The following PPP2R2B variants were observed in gnomAD, a reference collection of about 807,000 sequenced individuals.
PPP2R2B encodes serine/threonine-protein phosphatase 2A 55 kDa regulatory subunit B beta isoform.
A neutral mutation model predicts 46.0 loss-of-function variants in PPP2R2B; 5 were observed. That is an observed-to-expected ratio of 0.11 (90% CI 0.06 to 0.23). The LOEUF (loss-of-function observed/expected upper bound fraction) is 0.23. Among genes scored for constraint, PPP2R2B ranks in the 10% least tolerant of loss-of-function variants. PPP2R2B has a pLI of 1.00. For missense variants in PPP2R2B, 367 were observed against 575.0 expected (o/e 0.64, Z 3.70); for synonymous variants, 215 against 206.7 (o/e 1.04, Z -0.34).
upstream of PPP2R2B, among the ~76,000 whole-genome samples, chr5:147,060,786 A>T (rs1003684655): frequency 6.6e-6 from 1 of 152,218 alleles, no homozygotes; most frequent in African/African-American, 2.4e-5. Context: ...GAATTCTTTG[A>T]TAATTGCTGT....
intron 1 of PPP2R2B, among the ~76,000 whole-genome samples, chr5:146,896,457 T>C (rs1160909736): frequency 6.6e-6 from 1 of 152,274 alleles, no homozygotes; most frequent in African/African-American, 2.4e-5. Context: ...TATGCAAATT[T>C]CTGTTCCAGC....
chr5:147,066,006 G>T (rs1757404773), intron 2 of PPP2R2B, among the ~76,000 whole-genome samples: 1 of 152,062 alleles, frequency 6.6e-6, no homozygotes, highest in African/African-American at 2.4e-5. Context: ...GGTAATAACA[G>T]GTTCCTGATT....
chr5:146,782,846 G>A (rs555350978), intron 2 of PPP2R2B, among the ~76,000 whole-genome samples: 1 of 151,922 alleles, frequency 6.6e-6, no homozygotes, highest in South Asian at 2.1e-4. Context: ...AAAGAAGAGA[G>A]GAGAGACAGA....
intron 2 of PPP2R2B, among the ~76,000 whole-genome samples, chr5:146,861,153 T>G (rs1011782264): frequency 1.3e-5 from 2 of 151,412 alleles, no homozygotes; most frequent in African/African-American, 4.9e-5. Flanking sequence ...ACTCCCAGGT[T>G]CATGTCATTC....
At position 146,591,477 on chromosome 5, in the gene PPP2R2B, C is replaced by T. The variant is rs138174610; in HGVS notation, c.1053-1251G>A. ...GATCTCGTTTCAACTTCTATTATCCCCTAAAAGGGTTTTACAGAGAAGTAA... is the reference window on the plus strand; with the variant it reads ...GATCTCGTTTCAACTTCTATTATCCTCTAAAAGGGTTTTACAGAGAAGTAA... On this transcript the variant is annotated intron_variant, in intron 9 of 9. Transcript: ENST00000394411. 7.0e-3 allele frequency among the ~76,000 whole-genome samples: 1,065 copies of T among 152,048 alleles called. 16 individuals are homozygous for T. The highest frequency in any genetic ancestry group is 0.025 in the African/African-American group (1,035 of 41,448).
chr5:146,993,570 A>G (rs1308273721), intron 1 of PPP2R2B, among the ~76,000 whole-genome samples: 1 of 152,186 alleles, frequency 6.6e-6, no homozygotes, highest in Non-Finnish European at 1.5e-5. Flanking sequence ...TAAGGAGTAC[A>G]CAGTATAAGC....
At position 146,691,208 on chromosome 5, in the gene PPP2R2B, G is replaced by A. The variant is rs1373691645; in HGVS notation, c.367C>T (p.Arg123Cys). Residue 123 changes from arginine (R) to cysteine (C), a missense_variant, in exon 5 of 10, where the codon CGT becomes TGT. This residue lies in a region of PPP2R2B where 361 missense variants were observed against 545.5 expected (regional missense o/e 0.66). Transcript: ENST00000394411. The stretch of plus-strand genomic sequence containing the variant: ...TTGTAGCCTTCTGGCCTCTTATCAC[G>A]CTCGCTGACTTTCCACAGCTTCACA... ...KTVKLWKVSERDKRPEGYNLK... is the reference protein window; with the variant it reads ...KTVKLWKVSECDKRPEGYNLK... 22 of 1,613,936 alleles carry A rather than the reference G, an allele frequency of 1.4e-5. No homozygotes were observed. The highest frequency in any genetic ancestry group is 1.7e-5 in the Admixed American group (1 of 59,996).
chr5:146,782,656 T>C lies in PPP2R2B; in HGVS notation c.71-81514A>G, dbSNP rs143393520. Among the ~76,000 whole-genome samples, 615 of 152,302 alleles carry C rather than the reference T, an allele frequency of 4.0e-3. 3 individuals are homozygous for C. The highest frequency in any genetic ancestry group is 0.014 in the African/African-American group (586 of 41,564). Reference sequence around the variant, plus strand: ...CTAATACCTCAGTACTCAATAGTTGTTTTTTTCCTTGCCCATTTTTTTTTA... The same window carrying C: ...CTAATACCTCAGTACTCAATAGTTGCTTTTTTCCTTGCCCATTTTTTTTTA... On this transcript the variant is annotated intron_variant, in intron 2 of 9. Transcript: ENST00000394411.
intron 1 of PPP2R2B, among the ~76,000 whole-genome samples, chr5:146,932,733 G>C (rs557854197): frequency 1.3e-5 from 2 of 152,280 alleles, no homozygotes; most frequent in South Asian, 4.1e-4. Context: ...TAGTGGCCCA[G>C]GTGGCTGAAT....
In PPP2R2B at chr5:146,589,885, C is replaced by T. The variant is rs1015407048; in HGVS notation, c.*62G>A. 3.2e-5 allele frequency: 48 copies of T among 1,499,748 alleles called. No homozygotes were observed. The highest frequency in any genetic ancestry group is 4.2e-5 in the Non-Finnish European group (46 of 1,092,890). 92.9% of individuals were successfully genotyped at this position (1,499,748 alleles called of 1,614,324 possible). ...TGCATCAAATGAAGACCCAAAGAAACATTTAAAAACTTGTTTGACTAGTAT... is the reference window on the plus strand; with the variant it reads ...TGCATCAAATGAAGACCCAAAGAAATATTTAAAAACTTGTTTGACTAGTAT... On this transcript the variant is annotated 3_prime_UTR_variant, in exon 10 of 10. Coordinates refer to ENST00000394411, the MANE Select transcript of PPP2R2B (RefSeq NM_181675.4).
chr5:146,849,956 C>T (rs950456403), intron 2 of PPP2R2B, among the ~76,000 whole-genome samples: 33 of 152,118 alleles, frequency 2.2e-4, no homozygotes, highest in Admixed American at 1.6e-3. Context: ...CAATCTCACA[C>T]TTCTAGGAAG....
intron 1 of PPP2R2B, among the ~76,000 whole-genome samples, chr5:147,014,836 T>A (rs1297490189): frequency 6.6e-6 from 1 of 152,076 alleles, no homozygotes; most frequent in Non-Finnish European, 1.5e-5. Context: ...TATACATATG[T>A]AACTAACCTG....
intron 2 of PPP2R2B, among the ~76,000 whole-genome samples, chr5:146,874,212 T>C (rs1418204778): frequency 6.6e-6 from 1 of 152,216 alleles, no homozygotes; most frequent in Non-Finnish European, 1.5e-5. Context: ...TACTATCTCC[T>C]TTGCTAGATT....
chr5:146,698,009 T>C lies in PPP2R2B; in HGVS notation c.304A>G (p.Asn102Asp). Residue 102 changes from asparagine (N) to aspartate (D), a missense_variant, in exon 4 of 10, where the codon AAT (asparagine) becomes GAT (aspartate). This residue lies in a region of PPP2R2B where 361 missense variants were observed against 545.5 expected (regional missense o/e 0.66). Coordinates refer to ENST00000394411, the MANE Select transcript of PPP2R2B (RefSeq NM_181675.4). ...INKIRWLPQQ[N>D]AAYFLLSTND... is the part of the protein sequence containing the mutation. ...GTAGACAGAAGAAAGTAAGCTGCAT[T>C]CTGCTGGGGGAGCCATCTTATTTTA... is the stretch of plus-strand genomic sequence containing the variant. 6.2e-7 allele frequency: 1 copy of C among 1,612,880 alleles called. No homozygotes were observed. The highest frequency in any genetic ancestry group is 8.5e-7 in the Non-Finnish European group (1 of 1,179,614).
At chr5:146,866,021 C>T (rs1160522352) in intron 2 of PPP2R2B, among the ~76,000 whole-genome samples, 2 of 152,206 alleles carry the variant, frequency 1.3e-5, no homozygotes, top group African/African-American at 4.8e-5. Context: ...TGATGGTCTA[C>T]AGGCTACTCC....
intron 7 of PPP2R2B, among the ~76,000 whole-genome samples, chr5:146,601,463 C>A (rs1351648718): frequency 6.6e-6 from 1 of 152,146 alleles, no homozygotes; most frequent in Non-Finnish European, 1.5e-5. Flanking sequence ...GTGGGGCATG[C>A]CTGTGGTCCC....
At chr5:146,949,447 A>G (rs1764585983) in intron 1 of PPP2R2B, among the ~76,000 whole-genome samples, 1 of 152,124 alleles carries the variant, frequency 6.6e-6, no homozygotes, top group African/African-American at 2.4e-5. Context: ...CCAAACTACA[A>G]TGAGATATCA....
At chr5:146,891,389 G>A (rs1245771561) in intron 1 of PPP2R2B, among the ~76,000 whole-genome samples, 2 of 152,174 alleles carry the variant, frequency 1.3e-5, no homozygotes, top group East Asian at 3.8e-4. Context: ...ATTAGGTGTT[G>A]GATACTGTCA....
At chr5:146,951,511 C>T (rs1370934778) in intron 1 of PPP2R2B, among the ~76,000 whole-genome samples, 2 of 151,942 alleles carry the variant, frequency 1.3e-5, no homozygotes, top group East Asian at 3.9e-4. Context: ...CCCCCATCTC[C>T]CGACAGGTCC....
Sources: gnomAD v4.1 joint callset for allele counts (sites outside exome capture counted in the v4.1 genomes callset) on GRCh38, gnomAD v4.1.1 for gene constraint, gnomAD v4.1.1 regional missense constraint, MANE v1.5 for transcripts, NCBI Gene and HGNC (gene_info 2026-07-23, HGNC 2026-07-21) for gene names.